The following OGG1 variants were observed in gnomAD, a reference collection of about 807,000 sequenced individuals.
OGG1 encodes N-glycosylase/DNA lyase.
In OGG1, 35 loss-of-function variants were observed where a neutral mutation model predicts 42.3. The ratio of observed to expected loss-of-function variants is 0.83; its 90% CI spans 0.63 to 1.10. The LOEUF (loss-of-function observed/expected upper bound fraction) is 1.10. Among genes scored for constraint, OGG1 ranks in the 50% least tolerant of loss-of-function variants. OGG1 has a pLI of 0.00. For missense variants in OGG1, 484 were observed against 446.7 expected, an observed-to-expected ratio of 1.08 and a Z score of -0.75; for synonymous variants, 189 against 179.0, an observed-to-expected ratio of 1.06 and a Z score of -0.44.
At chr3:9,787,595 A>T in intron 3 of OGG1, 2 of 1,088,124 alleles carry the variant, frequency 1.8e-6, no homozygotes, top group Non-Finnish European at 2.6e-6. Flanking sequence ...GAAGGTGCAG[A>T]ATACGTACAC....
intron 1 of OGG1, 169 bp from the exon 2 acceptor site, chr3:9,750,776 A>C: frequency 1.1e-6 from 1 of 898,700 alleles, no homozygotes; most frequent in Non-Finnish European, 1.7e-6. Context: ...TGCCCGGTTA[A>C]ATTTTTGTAT....
chr3:9,751,059 G>A lies in OGG1; in HGVS notation c.252G>A (p.Gln84=), dbSNP rs2077278623. 1 of 1,613,758 alleles carries A rather than the reference G, an allele frequency of 6.2e-7. No individual in the cohort carries two copies. Among genetic ancestry groups the A allele is most frequent in the Non-Finnish European group, 8.5e-7 (1 of 1,179,888 alleles). The change falls in exon 2 of 7, where the codon CAG becomes CAA. Residue 84 remains glutamine, a synonymous_variant. Transcript: ENST00000344629. ...CTGTGTACCGAGGAGACAAGAGCCA[G>A]GCTAGCAGGCCCACACCAGACGAGC... ...HCTVYRGDKS[Q]ASRPTPDELE... is the part of the protein sequence containing the mutation.
downstream of OGG1, among the ~76,000 whole-genome samples, chr3:9,769,244 GACAC>G (rs142285715): frequency 2.7e-5 from 4 of 150,092 alleles, no homozygotes; most frequent in South Asian, 2.1e-4. Context: ...ATGACACCCA[GACAC>G]ACACACACAC....
chr3:9,787,700 A>C (rs1380596258), intron 3 of OGG1: 5 of 1,322,250 alleles, frequency 3.8e-6, no homozygotes, highest in Non-Finnish European at 4.9e-6. Context: ...GCTTGAATTT[A>C]CTGCTGTCTG....
At chr3:9,783,831 G>A in intron 3 of OGG1, 1 of 971,974 alleles carries the variant, frequency 1.0e-6, no homozygotes, top group Non-Finnish European at 1.4e-6. Context: ...ACAGATGCCT[G>A]AGCCCCACTC....
intron 1 of OGG1, 166 bp downstream of exon 1, chr3:9,750,589 C>A: frequency 1.1e-6 from 1 of 901,736 alleles, no homozygotes; most frequent in Non-Finnish European, 1.7e-6. Context: ...TATGTCTGTA[C>A]AGTGATAATT....
At chr3:9,766,702 T>C in exon 8 of OGG1, 1 of 918,312 alleles carries the variant, frequency 1.1e-6, no homozygotes, top group Non-Finnish European at 1.3e-6. Context: ...ATCTGTTTGC[T>C]TTCTCTGGGA....
chr3:9,774,408 C>CAAAAAAAAAAAAAAAAAAAAAAAAAA (rs35674476), intron 2 of OGG1, among the ~76,000 whole-genome samples: 1 of 117,102 alleles, frequency 8.5e-6, no homozygotes. Context: ...GACTCTGTCT[C>CAAAAAAAAAAAAAAAAAAAAAAAAAA]AAAAAAAAAA....
chr3:9,767,673 A>G, downstream of OGG1: 1 of 1,614,094 alleles, frequency 6.2e-7, no homozygotes, highest in Non-Finnish European at 8.5e-7. Flanking sequence ...TCACGTGCCC[A>G]GAACATCTCG....
At chr3:9,784,726 A>G (rs1018274647) in intron 3 of OGG1, among the ~76,000 whole-genome samples, 9 of 151,908 alleles carry the variant, frequency 5.9e-5, no homozygotes, top group Non-Finnish European at 1.3e-4. Context: ...TGAGCCATAC[A>G]TGGTGGCAGG....
intron 3 of OGG1, chr3:9,785,300 A>T (rs1448838827): frequency 6.3e-7 from 1 of 1,598,242 alleles, no homozygotes; most frequent in Non-Finnish European, 8.6e-7. Context: ...TGGGTTGTGG[A>T]TAGGACACCA....
chr3:9,783,953 A>G, intron 3 of OGG1: 1 of 1,491,868 alleles, frequency 6.7e-7, no homozygotes, highest in Non-Finnish European at 9.0e-7. Flanking sequence ...CTGTTGTAAA[A>G]CCCCTGAAAG....
chr3:9,785,429 G>C, intron 3 of OGG1: 1 of 1,602,436 alleles, frequency 6.2e-7, no homozygotes, highest in South Asian at 1.1e-5. Context: ...TATTTTCCTA[G>C]AAGACCACAA....
chr3:9,760,947 A>G (rs2077834882), downstream of OGG1: 9 of 901,774 alleles, frequency 1.0e-5, no homozygotes, highest in Non-Finnish European at 1.5e-5. Flanking sequence ...TGTTCCTTGT[A>G]TGTGCCGCCA....
At position 9,757,023 on chromosome 3, in the gene OGG1, T is replaced by C. The variant is rs765835626; in HGVS notation, c.949-38T>C. 2 of 1,613,642 alleles carry C rather than the reference T, an allele frequency of 1.2e-6. No individual in the cohort carries two copies. Among genetic ancestry groups the C allele is most frequent in the Non-Finnish European group, 1.7e-6 (2 of 1,180,036 alleles). On this transcript the variant is annotated intron_variant, in intron 6 of 6. Transcript: ENST00000344629. The surrounding 1 kb of genome is among the most constrained non-coding windows in gnomAD (Gnocchi z 4.5). ...CTAGTCTCACCAGCCCTGACCCCAG[T>C]GTACCCTCCTCCCCACACAGACTCC...
At chr3:9,783,542 C>G (rs2078530648) in intron 3 of OGG1, 1 of 152,502 alleles carries the variant, frequency 6.6e-6, no homozygotes, top group South Asian at 2.1e-4. Flanking sequence ...CTTTGGGAGG[C>G]CGAGGCGGGT....
chr3:9,757,370 A>G lies in OGG1; in HGVS notation c.*220A>G. 6.2e-7 allele frequency: 1 copy of G among 1,613,698 alleles called. No homozygotes were observed. The highest frequency in any genetic ancestry group is 8.5e-7 in the Non-Finnish European group (1 of 1,179,804). ...GATGGTTTTATCTTCCCTTTATTACAAGAAGGAACAATAAAATAGAAACAT... is the reference window on the plus strand; with the variant it reads ...GATGGTTTTATCTTCCCTTTATTACGAGAAGGAACAATAAAATAGAAACAT... On this transcript the variant is annotated 3_prime_UTR_variant, in exon 7 of 7. Transcript: ENST00000344629. The surrounding 1 kb of genome is among the most constrained non-coding windows in gnomAD (Gnocchi z 4.5).
exon 8 of OGG1, chr3:9,765,952 C>G: frequency 6.2e-7 from 1 of 1,614,214 alleles, no homozygotes; most frequent in Non-Finnish European, 8.5e-7. Context: ...CCAGCCTCTC[C>G]TCCATTCCCT....
downstream of OGG1, among the ~76,000 whole-genome samples, chr3:9,770,877 C>T (rs537588439): frequency 6.6e-6 from 1 of 152,120 alleles, no homozygotes; most frequent in Non-Finnish European, 1.5e-5. Context: ...TGGGACCCCA[C>T]TCCACCTCCA....
Sources: gnomAD v4.1 joint callset for allele counts (sites outside exome capture counted in the v4.1 genomes callset) on GRCh38, gnomAD v4.1.1 for gene constraint, Gnocchi (gnomAD v3.1) non-coding constraint, MANE v1.5 for transcripts, NCBI Gene and HGNC (gene_info 2026-07-23, HGNC 2026-07-21) for gene names.